Variants in C20orf203 observed in about 807,000 individuals in gnomAD.
The protein encoded by C20orf203 is chromosome 20 open reading frame 203.
A neutral mutation model predicts 15.9 loss-of-function variants in C20orf203; 16 were observed. That is an observed-to-expected ratio of 1.01 (90% CI 0.68 to 1.53). C20orf203 has a LOEUF of 1.53. C20orf203 is among the 40% of genes most tolerant of loss of function. C20orf203 has a pLI of 0.00. For missense variants in C20orf203, 263 were observed against 247.5 expected, an observed-to-expected ratio of 1.06 and a Z score of -0.42; for synonymous variants, 98 against 97.2, an observed-to-expected ratio of 1.01 and a Z score of -0.05.
At chr20:32,663,399 G>A (rs1982942950) in intron 1 of C20orf203, among the ~76,000 whole-genome samples, 1 of 151,708 alleles carries the variant, frequency 6.6e-6, no homozygotes, top group African/African-American at 2.4e-5. Flanking sequence ...TAAAGAAAAT[G>A]TTAATGCTGA....
chr20:32,666,391 C>G (rs1027394532), intron 1 of C20orf203, among the ~76,000 whole-genome samples: 1 of 150,674 alleles, frequency 6.6e-6, no homozygotes, highest in Non-Finnish European at 1.5e-5. Context: ...CACTTGAGCT[C>G]AGGAGGTTGA....
Position 32,650,342 on chromosome 20 carries a change from T to TG in C20orf203, c.*89dup. 2.2e-6 allele frequency: 2 copies of TG among 903,620 alleles called. No homozygotes were observed. Among genetic ancestry groups the TG allele is most frequent in the Non-Finnish European group, 1.7e-6 (1 of 582,992 alleles). 56.0% of individuals were successfully genotyped at this position (903,620 alleles called of 1,614,324 possible). ...CCCACTCTGGGGAGCAGAATGATTG[T>TG]GGGGGGTGGTAACAGGGGACACCCT... On this transcript the variant is annotated 3_prime_UTR_variant, in exon 4 of 6. Coordinates refer to ENST00000608990, the MANE Select transcript of C20orf203 (RefSeq NM_182584.4).
At chr20:32,655,808 A>C in intron 1 of C20orf203, among the ~76,000 whole-genome samples, 1 of 152,188 alleles carries the variant, frequency 6.6e-6, no homozygotes, top group East Asian at 1.9e-4. Context: ...TTAAAAAATA[A>C]AAATAGAAAC....
At chr20:32,664,059 C>T (rs1982961172) in intron 1 of C20orf203, among the ~76,000 whole-genome samples, 2 of 152,172 alleles carry the variant, frequency 1.3e-5, no homozygotes. Flanking sequence ...GAGAGCTGGC[C>T]TTTGTCACCC....
chr20:32,666,593 C>A (rs774727082), intron 1 of C20orf203, among the ~76,000 whole-genome samples: 30 of 150,178 alleles, frequency 2.0e-4, no homozygotes, highest in South Asian at 6.4e-4. Flanking sequence ...GAAATCCCAT[C>A]TCTACTAAAA....
At chr20:32,664,563 C>G (rs936382509) in intron 1 of C20orf203, among the ~76,000 whole-genome samples, 2 of 152,218 alleles carry the variant, frequency 1.3e-5, no homozygotes, top group African/African-American at 4.8e-5. Flanking sequence ...CGATGGAAAC[C>G]CACAGGCCTT....
At chr20:32,645,906 T>A (rs1440140265) in intron 4 of C20orf203, among the ~76,000 whole-genome samples, 1 of 152,196 alleles carries the variant, frequency 6.6e-6, no homozygotes, top group Non-Finnish European at 1.5e-5. Context: ...AGTGTTAGAC[T>A]ATTAGTGTGA....
intron 1 of C20orf203, among the ~76,000 whole-genome samples, chr20:32,670,975 T>A (rs1299957503): frequency 1.3e-5 from 2 of 148,888 alleles, no homozygotes; most frequent in African/African-American, 5.0e-5. Context: ...AAAACCACAA[T>A]GAGCCATCAA....
At position 32,651,369 on chromosome 20, in the gene C20orf203, C is replaced by T. The variant is rs111851889; in HGVS notation, c.-14-203G>A. Among the ~76,000 whole-genome samples the T allele has an allele frequency of 5.4e-3, 812 of 151,182 alleles. 8 individuals carry two copies. The highest frequency in any genetic ancestry group is 0.018 in the African/African-American group (753 of 41,230). On this transcript the variant is annotated intron_variant, in intron 2 of 5. Coordinates refer to ENST00000608990, the MANE Select transcript of C20orf203 (RefSeq NM_182584.4). ...ATTCAAAAAAAAAAAGGAAAAGAAA[C>T]GAGAAAATTGGAGCAAATGATCTCT... is the stretch of plus-strand genomic sequence containing the variant.
At chr20:32,639,164 C>T (rs1982211996) in intron 5 of C20orf203, among the ~76,000 whole-genome samples, 1 of 152,262 alleles carries the variant, frequency 6.6e-6, no homozygotes, top group African/African-American at 2.4e-5. Context: ...TGACAGCAGA[C>T]ACCACCCACA....
intron 5 of C20orf203, among the ~76,000 whole-genome samples, chr20:32,635,497 G>A (rs1982113656): frequency 6.6e-6 from 1 of 151,720 alleles, no homozygotes; most frequent in Non-Finnish European, 1.5e-5. Flanking sequence ...TTCCATCTCA[G>A]AAAGAAAAAT....
chr20:32,660,250 C>T (rs1288133356), intron 1 of C20orf203, among the ~76,000 whole-genome samples: 3 of 152,088 alleles, frequency 2.0e-5, no homozygotes, highest in East Asian at 1.9e-4. Context: ...ATCTCCCAGC[C>T]GAGCCACCCA....
chr20:32,659,144 T>G (rs1391989678), intron 1 of C20orf203, among the ~76,000 whole-genome samples: 1 of 152,166 alleles, frequency 6.6e-6, no homozygotes, highest in Non-Finnish European at 1.5e-5. Context: ...CCTAAAGTGC[T>G]GGGACTACAG....
intron 1 of C20orf203, among the ~76,000 whole-genome samples, chr20:32,655,491 G>A (rs1301255382): frequency 1.3e-5 from 2 of 151,794 alleles, no homozygotes; most frequent in African/African-American, 4.8e-5. Context: ...AAGACAAATA[G>A]CCCAGTTTAA....
intron 1 of C20orf203, among the ~76,000 whole-genome samples, chr20:32,654,687 A>G (rs1430849230): frequency 6.6e-6 from 1 of 152,116 alleles, no homozygotes; most frequent in African/African-American, 2.4e-5. Flanking sequence ...TACAAAAAAT[A>G]CAAAAATTTA....
rs542460541 is a variant in C20orf203, at chr20:32,650,319, C to T, written c.*113G>A. On this transcript the variant is annotated 3_prime_UTR_variant, in exon 4 of 6. Coordinates refer to ENST00000608990, the MANE Select transcript of C20orf203 (RefSeq NM_182584.4). ...AGCTGGGCGTGCCGGGCCCATCCCC[C>T]ACTCTGGGGAGCAGAATGATTGTGG... 8 of 772,606 alleles carry T rather than the reference C, an allele frequency of 1.0e-5. No homozygotes were observed. In the East Asian group the frequency reaches 1.1e-4, roughly 10 times the overall value. 47.9% of individuals were successfully genotyped at this position (772,606 alleles called of 1,614,324 possible).
intron 1 of C20orf203, among the ~76,000 whole-genome samples, chr20:32,668,540 C>G (rs968567373): frequency 6.6e-6 from 1 of 151,698 alleles, no homozygotes; most frequent in Non-Finnish European, 1.5e-5. Context: ...GCAGGAGAAT[C>G]GCTTGAACCC....
At chr20:32,647,120 C>A (rs149151284) in intron 4 of C20orf203, among the ~76,000 whole-genome samples, 4 of 152,178 alleles carry the variant, frequency 2.6e-5, no homozygotes, top group Non-Finnish European at 4.4e-5. Flanking sequence ...TAGGGCCGGG[C>A]GCAGTGGCTC....
chr20:32,654,200 C>T (rs940788355), intron 1 of C20orf203, among the ~76,000 whole-genome samples: 1 of 152,014 alleles, frequency 6.6e-6, no homozygotes, highest in Non-Finnish European at 1.5e-5. Context: ...AGCTTCTACA[C>T]ATTTGCAATG....
Sources: allele counts gnomAD v4.1 joint callset (sites outside exome capture counted in the v4.1 genomes callset), GRCh38; gene constraint gnomAD v4.1.1; transcripts MANE v1.5; gene names NCBI Gene and HGNC (gene_info 2026-07-23, HGNC 2026-07-21).